IL5RA: variants seen among roughly 807,000 people sequenced by gnomAD.
IL5RA encodes interleukin-5 receptor subunit alpha.
A neutral mutation model predicts 50.0 loss-of-function variants in IL5RA; 49 were observed. The observed-to-expected ratio is 0.98, with a 90% confidence interval of 0.78 to 1.24. The LOEUF is 1.24. IL5RA is among the 50% of genes most tolerant of loss of function. The pLI is 0.00. For missense variants in IL5RA, 600 were observed against 500.4 expected, an observed-to-expected ratio of 1.20 and a Z score of -1.90; for synonymous variants, 202 against 174.0, an observed-to-expected ratio of 1.16 and a Z score of -1.26.
Position 3,082,290 on chromosome 3 carries a change from G to A in IL5RA, c.995-5663C>T, listed in dbSNP as rs534648141. On this transcript the variant is annotated intron_variant, in intron 9 of 11. Coordinates refer to ENST00000446632, the MANE Select transcript of IL5RA (RefSeq NM_175726.4). Reference sequence around the variant, plus strand: ...GAGATTAAAAAAAAAGTATTTCGAGGTAATTTGACTCTCTGCTCTGACTCA... The same window carrying A: ...GAGATTAAAAAAAAAGTATTTCGAGATAATTTGACTCTCTGCTCTGACTCA... 2.8e-4 allele frequency among the ~76,000 whole-genome samples: 43 copies of A among 152,262 alleles called. 1 individual carries two copies. The highest frequency in any genetic ancestry group is 1.0e-3 in the African/African-American group (42 of 41,564).
At chr3:3,109,750 C>A (rs1038391413) in intron 1 of IL5RA, among the ~76,000 whole-genome samples, 195 bp downstream of exon 1, 1 of 152,116 alleles carries the variant, frequency 6.6e-6, no homozygotes, top group Non-Finnish European at 1.5e-5. Context: ...AGTTTTGTTT[C>A]CCCTTTTTGT....
chr3:3,082,510 A>G (rs1231245551), intron 9 of IL5RA, among the ~76,000 whole-genome samples: 1 of 152,224 alleles, frequency 6.6e-6, no homozygotes. Flanking sequence ...ACTAACGTAA[A>G]GCATTTGGGA....
intron 4 of IL5RA, 114 bp from the exon 5 acceptor site, chr3:3,101,944 A>T (rs556178932): frequency 2.1e-6 from 2 of 965,054 alleles, no homozygotes; most frequent in Admixed American, 6.1e-5. Flanking sequence ...AGATGCAATG[A>T]AATAGTTTTG....
chr3:3,100,868 C>T (rs1035462376), intron 5 of IL5RA, among the ~76,000 whole-genome samples: 25 of 151,798 alleles, frequency 1.6e-4, no homozygotes, highest in Admixed American at 8.5e-4. Flanking sequence ...TAAATGGGGC[C>T]GGACACGGTG....
At chr3:3,087,922 G>A (rs1702936597) in intron 9 of IL5RA, among the ~76,000 whole-genome samples, 1 of 152,138 alleles carries the variant, frequency 6.6e-6, no homozygotes. Flanking sequence ...AGTCTACATT[G>A]ATTAAATTCA....
At chr3:3,090,865 G>A (rs747564154) in intron 9 of IL5RA, among the ~76,000 whole-genome samples, 18 of 152,002 alleles carry the variant, frequency 1.2e-4, no homozygotes, top group Admixed American at 2.6e-4. Flanking sequence ...GAGCCACCAC[G>A]CCCGGCCAAC....
At position 3,095,289 on chromosome 3, in the gene IL5RA, G is replaced by C. The variant is rs377194587; in HGVS notation, c.855+10C>G. 36 of 1,562,426 alleles carry C rather than the reference G, an allele frequency of 2.3e-5. No individual in the cohort carries two copies. In the South Asian group the frequency reaches 3.7e-4, roughly 16 times the overall value. ...CTGTTATCAAATATTGGAATAATCT[G>C]AGTAATTACCTGCAAATATCCATTC... is the stretch of plus-strand genomic sequence containing the variant. On this transcript the variant is annotated intron_variant, in intron 8 of 11. Transcript: ENST00000446632.
chr3:3,102,902 G>A, intron 3 of IL5RA, 82 bp from the exon 4 acceptor site: 1 of 1,172,692 alleles, frequency 8.5e-7, no homozygotes, highest in South Asian at 1.5e-5. Context: ...AATATTTATT[G>A]CCCTGCAGAT....
intron 9 of IL5RA, among the ~76,000 whole-genome samples, chr3:3,076,895 A>G (rs895031975): frequency 1.3e-5 from 2 of 152,262 alleles, no homozygotes; most frequent in African/African-American, 2.4e-5. Flanking sequence ...TATTCAATCA[A>G]TCAGCAAATA....
At position 3,070,157 on chromosome 3, in the gene IL5RA, G is replaced by T; in HGVS notation, c.*68C>A. ...CTGAACACCTCTTAGCCAAGAGCCA[G>T]CATCCCTGTTCTTTTCACTGAGGCA... On this transcript the variant is annotated 3_prime_UTR_variant, in exon 12 of 12. Transcript: ENST00000446632. The T allele has an allele frequency of 1.0e-6, 1 of 1,001,670 alleles. No homozygotes were observed. Among genetic ancestry groups the T allele is most frequent in the Non-Finnish European group, 1.6e-6 (1 of 643,304 alleles). The allele number at this position is 1,001,670 out of a possible 1,614,324, so 62.0% of individuals were successfully genotyped here. A position where few individuals can be genotyped will look rare whatever the true frequency, so the allele number is the denominator to read the frequency against.
intron 9 of IL5RA, among the ~76,000 whole-genome samples, chr3:3,086,575 A>G (rs1036601788): frequency 6.6e-6 from 1 of 152,126 alleles, no homozygotes; most frequent in African/African-American, 2.4e-5. Context: ...CAGCCCAGCT[A>G]TAGTCCCAGC....
chr3:3,070,575 CTTTT>C (rs71058670), intron 11 of IL5RA, among the ~76,000 whole-genome samples: 42 of 84,912 alleles, frequency 4.9e-4, no homozygotes, highest in Non-Finnish European at 1.3e-4. Context: ...GGATACACAT[CTTTT>C]TTTTTTTTTT....
intron 9 of IL5RA, among the ~76,000 whole-genome samples, chr3:3,087,100 C>A (rs369784858): frequency 6.6e-6 from 1 of 152,098 alleles, no homozygotes; most frequent in Non-Finnish European, 1.5e-5. Flanking sequence ...GATGAAAAGT[C>A]ACCTATTCAG....
At chr3:3,100,253 C>T (rs1395305922) in intron 5 of IL5RA, among the ~76,000 whole-genome samples, 1 of 152,038 alleles carries the variant, frequency 6.6e-6, no homozygotes, top group Non-Finnish European at 1.5e-5. Context: ...TCACTGTCAG[C>T]CAGTGTCTTT....
At chr3:3,107,288 G>A (rs1335913360) in intron 2 of IL5RA, among the ~76,000 whole-genome samples, 2 of 151,032 alleles carry the variant, frequency 1.3e-5, no homozygotes, top group African/African-American at 4.9e-5. Context: ...TTTACATAAG[G>A]TTGAATAGTA....
chr3:3,069,397 A>G lies in IL5RA; in HGVS notation c.*828T>C, dbSNP rs1292598370. ...GTTGTTCTGAAGTCTTTGGCAGCAA[A>G]CATCTCTTCAGAAAGTTCATTCTTG... On this transcript the variant is annotated 3_prime_UTR_variant, in exon 12 of 12. Transcript: ENST00000446632. 2 of 152,218 alleles carry G rather than the reference A, an allele frequency of 1.3e-5. No homozygotes were observed. Among genetic ancestry groups the G allele is most frequent in the East Asian group, 1.9e-4 (1 of 5,204 alleles). 9.4% of individuals were successfully genotyped at this position (152,218 alleles called of 1,614,324 possible).
At chr3:3,091,322 G>A (rs3856845) in intron 9 of IL5RA, among the ~76,000 whole-genome samples, 18,062 of 152,210 alleles carry the variant, frequency 0.12, 1,162 homozygotes, top group East Asian at 0.18. Flanking sequence ...AGAGATGGGT[G>A]TATTTATAAA....
chr3:3,099,169 T>C (rs1426975779), intron 5 of IL5RA, among the ~76,000 whole-genome samples: 1 of 152,230 alleles, frequency 6.6e-6, no homozygotes, highest in Non-Finnish European at 1.5e-5. Flanking sequence ...CATTAGCATG[T>C]TAAAGTCCTC....
rs982108368 is a variant in IL5RA at position 3,066,961 on chromosome 3, C to G, written c.*3264G>C. 7.2e-5 allele frequency: 11 copies of G among 152,160 alleles called. No individual in the cohort carries two copies. Among genetic ancestry groups the G allele is most frequent in the African/African-American group, 2.7e-4 (11 of 41,420 alleles). 9.4% of individuals were successfully genotyped at this position (152,160 alleles called of 1,614,324 possible). A position where few individuals can be genotyped will look rare whatever the true frequency, so the allele number is the denominator to read the frequency against. ...TGTTCTGATCCCGTGGCTGTGGAGG[C>G]TCTAGGAGAAAAGTGACTCTCTACA... On this transcript the variant is annotated 3_prime_UTR_variant, in exon 12 of 12. Transcript: ENST00000446632.
Sources: allele counts gnomAD v4.1 joint callset (sites outside exome capture counted in the v4.1 genomes callset), GRCh38; gene constraint gnomAD v4.1.1; transcripts MANE v1.5; gene names NCBI Gene and HGNC (gene_info 2026-07-23, HGNC 2026-07-21).